Variants in ADAMTS20 observed in about 807,000 individuals in gnomAD.
ADAMTS20 encodes ADAM metallopeptidase with thrombospondin type 1 motif 20, also known as A disintegrin and metalloproteinase with thrombospondin motifs 20.
ADAMTS20 carries 225 observed loss-of-function variants against 260.1 expected under a neutral mutation model. The ratio of observed to expected loss-of-function variants is 0.87; its 90% CI spans 0.78 to 0.97. The LOEUF (loss-of-function observed/expected upper bound fraction) is 0.97, where lower values mean the gene tolerates loss of function less well. Ranked by LOEUF, ADAMTS20 falls within the 50% of genes least tolerant of loss-of-function variation. The pLI is 0.00. For synonymous variants in ADAMTS20, 802 were observed against 769.5 expected (o/e 1.04, Z -0.70); for missense variants, 2,400 against 2,337.7 (o/e 1.03, Z -0.55).
At position 43,492,620 on chromosome 12, in the gene ADAMTS20, C is replaced by G. The variant is rs1276493278; in HGVS notation, c.961G>C (p.Val321Leu). The G allele has an allele frequency of 1.9e-6, 3 of 1,613,736 alleles. No individual in the cohort carries two copies. The highest frequency in any genetic ancestry group is 2.2e-5 in the East Asian group (1 of 44,838). The change falls in exon 6 of 39, where the codon GTC (valine) becomes CTC (leucine). Residue 321 changes from valine (V) to leucine (L), a missense_variant. Transcript: ENST00000389420. ...VMIHREEEGP[V>L]INFDGATTLK... ...GTGGTAGCACCATCAAAATTAATGA[C>G]TGGTCCTTCCTATGCAAAATAAGCA...
chr12:43,416,815 C>G (rs771938863), intron 28 of ADAMTS20, among the ~76,000 whole-genome samples: 1 of 152,168 alleles, frequency 6.6e-6, no homozygotes. Context: ...AGCCACCGCG[C>G]CCGGCCAAAC....
chr12:43,430,263 G>T, intron 23 of ADAMTS20, 89 bp downstream of exon 23: 1 of 1,434,200 alleles, frequency 7.0e-7, no homozygotes, highest in Non-Finnish European at 9.3e-7. Context: ...AGTTTAAGTG[G>T]AAAAAAATAA....
chr12:43,455,374 G>A (rs1292542808), intron 11 of ADAMTS20, among the ~76,000 whole-genome samples: 1 of 152,166 alleles, frequency 6.6e-6, no homozygotes, highest in East Asian at 1.9e-4. Flanking sequence ...GTACCGGCAG[G>A]TTTGGTGTCT....
rs754987543 is a variant in ADAMTS20, at chr12:43,446,677, G to T, written c.2115C>A (p.Ala705=). 1.2e-6 allele frequency: 2 copies of T among 1,613,206 alleles called. No individual in the cohort carries two copies. Among genetic ancestry groups the T allele is most frequent in the South Asian group, 1.1e-5 (1 of 91,040 alleles). The change falls in exon 15 of 39, where the codon GCC becomes GCA. Residue 705 remains alanine, a synonymous_variant. Transcript: ENST00000389420. ...AGCDHVLNSS[A]KIDKCGVCGG... ...CACACACTCCACATTTGTCTATCTT[G>T]GCACTGGAGTTTAACACGTGATCAC...
Position 43,493,231 on chromosome 12 carries a change from G to T in ADAMTS20, c.890C>A (p.Pro297Gln). The change falls in exon 5 of 39, where the codon CCA becomes CAA. Residue 297 changes from proline to glutamine, a missense_variant. Pro to Gln is a moderately conservative substitution (Grantham distance 76). Coordinates refer to ENST00000389420, the MANE Select transcript of ADAMTS20 (RefSeq NM_025003.5). ...MSIVATIYKD[P>Q]SIGNLIHIVV... ...TATGTGTATCAAATTTCCAATACTT[G>T]GATCTTTGTAGATTGTTGCAACCTG... 1 of 1,556,918 alleles carries T rather than the reference G, an allele frequency of 6.4e-7. No individual in the cohort carries two copies. The highest frequency in any genetic ancestry group is 8.7e-7 in the Non-Finnish European group (1 of 1,149,598).
intron 4 of ADAMTS20, among the ~76,000 whole-genome samples, chr12:43,501,589 C>G (rs902480963): frequency 2.0e-5 from 3 of 151,942 alleles, no homozygotes; most frequent in Admixed American, 1.3e-4. Context: ...CTAGCACTAC[C>G]ACTGCTTGAC....
intron 7 of ADAMTS20, among the ~76,000 whole-genome samples, chr12:43,486,014 C>T (rs1435061514): frequency 6.6e-6 from 1 of 151,986 alleles, no homozygotes; most frequent in Non-Finnish European, 1.5e-5. Context: ...GCCAAAAAAT[C>T]TACACATTCA....
chr12:43,384,535 T>G (rs749194579), intron 29 of ADAMTS20, among the ~76,000 whole-genome samples: 1 of 152,182 alleles, frequency 6.6e-6, no homozygotes, highest in Non-Finnish European at 1.5e-5. Flanking sequence ...ACATGTGCCA[T>G]GGTGGTTTGC....
In ADAMTS20 at chr12:43,405,620, A is replaced by G. The variant is rs542396542; in HGVS notation, c.4285-6387T>C. Among the ~76,000 whole-genome samples, 5 of 152,104 alleles carry G rather than the reference A, an allele frequency of 3.3e-5. No individual in the cohort carries two copies. In the East Asian group the frequency reaches 9.6e-4, roughly 29 times the overall value. On this transcript the variant is annotated intron_variant, in intron 28 of 38. Coordinates refer to ENST00000389420, the MANE Select transcript of ADAMTS20 (RefSeq NM_025003.5). ...TTCATAATTATCATTTTTCTCCCTC[A>G]ACCATTTTATTTTAGTCCTCTATTG...
chr12:43,530,604 G>A (rs1281824360), intron 3 of ADAMTS20, among the ~76,000 whole-genome samples: 3 of 152,116 alleles, frequency 2.0e-5, no homozygotes, highest in Non-Finnish European at 4.4e-5. Context: ...TATAGTTTAC[G>A]GACACCTACG....
chr12:43,436,496 G>GATC (rs34218766), intron 18 of ADAMTS20, among the ~76,000 whole-genome samples: 116,386 of 151,684 alleles, frequency 0.77, 45,883 homozygotes, highest in East Asian at 1. Flanking sequence ...TTTAAAATAT[G>GATC]ATTTGAACAT....
At chr12:43,477,290 A>T (rs1428122787) in intron 7 of ADAMTS20, among the ~76,000 whole-genome samples, 1 of 152,100 alleles carries the variant, frequency 6.6e-6, no homozygotes, top group Non-Finnish European at 1.5e-5. Context: ...GAAATGACAG[A>T]TACTCAGTAA....
At chr12:43,493,035 A>C in intron 5 of ADAMTS20, 135 bp downstream of exon 5, 1 of 669,878 alleles carries the variant, frequency 1.5e-6, no homozygotes, top group South Asian at 1.8e-5. Context: ...AATAAGGGTA[A>C]TCTCATTCCT....
intron 3 of ADAMTS20, among the ~76,000 whole-genome samples, chr12:43,519,678 C>A (rs964705195): frequency 1.3e-5 from 2 of 152,176 alleles, no homozygotes; most frequent in African/African-American, 4.8e-5. Context: ...TCCCGGCACA[C>A]CTACCCCATG....
chr12:43,505,883 A>T (rs774697948), intron 3 of ADAMTS20, among the ~76,000 whole-genome samples: 7 of 152,238 alleles, frequency 4.6e-5, no homozygotes, highest in Non-Finnish European at 1.0e-4. Flanking sequence ...GCTAAGAAGT[A>T]GAAGCAACCC....
Position 43,464,737 on chromosome 12 carries a change from A to G in ADAMTS20, c.1368-5T>C. 6.2e-7 allele frequency: 1 copy of G among 1,605,866 alleles called. No individual in the cohort carries two copies. Among genetic ancestry groups the G allele is most frequent in the Non-Finnish European group, 8.5e-7 (1 of 1,176,654 alleles). ...AGACATTCCCCGTAACCAGTACTGT[A>G]ACAGTGACAGAAAATAAAATATTGT... On this transcript the variant is annotated splice_region_variant and splice_polypyrimidine_tract_variant and intron_variant, in intron 9 of 38. Transcript: ENST00000389420.
Position 43,356,470 on chromosome 12 carries a change from C to A in ADAMTS20, c.5643+14G>T, listed in dbSNP as rs752124027. ...AAGTATTTCAAACAGGCTTTTTGGT[C>A]CCGCAGGACTTACCTCTGATCTTCG... On this transcript the variant is annotated intron_variant, in intron 38 of 38. Coordinates refer to ENST00000389420, the MANE Select transcript of ADAMTS20 (RefSeq NM_025003.5). The A allele has an allele frequency of 7.0e-6, 11 of 1,563,818 alleles. No homozygotes were observed. The highest frequency in any genetic ancestry group is 1.2e-5 in the South Asian group (1 of 85,646).
rs147747818 is a variant in ADAMTS20 at position 43,440,909 on chromosome 12, A to C, written c.2291-840T>G. ...GAAACCCCGTCTCTAGTAAAAATACAAAAAAATTAGCCGGGCGTACTGGCG... is the reference window on the plus strand; with the variant it reads ...GAAACCCCGTCTCTAGTAAAAATACCAAAAAATTAGCCGGGCGTACTGGCG... On this transcript the variant is annotated intron_variant, in intron 16 of 38. Transcript: ENST00000389420. 2.1e-3 allele frequency among the ~76,000 whole-genome samples: 316 copies of C among 152,150 alleles called. 2 individuals carry two copies. Among genetic ancestry groups the C allele is most frequent in the African/African-American group, 7.4e-3 (305 of 41,488 alleles).
intron 3 of ADAMTS20, among the ~76,000 whole-genome samples, chr12:43,504,169 T>G (rs1268762240): frequency 1.3e-5 from 2 of 152,160 alleles, no homozygotes; most frequent in East Asian, 3.9e-4. Context: ...TAATTTACAC[T>G]CCCACCAGCA....
Sources: gnomAD v4.1 joint callset for allele counts (sites outside exome capture counted in the v4.1 genomes callset) on GRCh38, gnomAD v4.1.1 for gene constraint, MANE v1.5 for transcripts, NCBI Gene and HGNC (gene_info 2026-07-23, HGNC 2026-07-21) for gene names.